The following ARID1A variants were observed in gnomAD, a reference collection of about 807,000 sequenced individuals.
The protein encoded by ARID1A is AT-rich interactive domain-containing protein 1A.
A neutral mutation model predicts 212.6 loss-of-function variants in ARID1A; 20 were observed. The observed-to-expected ratio is 0.09, with a 90% CI of 0.07 to 0.14. The LOEUF is 0.14. Ranked by LOEUF, ARID1A falls within the 10% of genes least tolerant of loss-of-function variation. The pLI, the probability that ARID1A is intolerant of heterozygous loss-of-function variation, is 1.00. For synonymous variants in ARID1A, 1,376 were observed against 1,222.1 expected, an observed-to-expected ratio of 1.13 and a Z score of -2.63; for missense variants, 2,587 against 3,059.0, an observed-to-expected ratio of 0.85 and a Z score of 3.64.
At chr1:26,717,760 A>G (rs2080517213) in intron 1 of ARID1A, among the ~76,000 whole-genome samples, 1 of 152,158 alleles carries the variant, frequency 6.6e-6, no homozygotes, top group Admixed American at 6.5e-5. Context: ...GTTAATCAGG[A>G]ACCAAGTATA....
rs1183907472 is a variant in ARID1A at position 26,760,936 on chromosome 1, C to T, written c.2001C>T (p.Ser667=). 1 of 1,614,078 alleles carries T rather than the reference C, an allele frequency of 6.2e-7. No individual in the cohort carries two copies. Among genetic ancestry groups the T allele is most frequent in the East Asian group, 2.2e-5 (1 of 44,866 alleles). ...CTGGAGTGAGCACATCAGGGATTTC[C>T]AGCAGCCAAGGAGAGCAGAGTAATC... ...LSPGVSTSGI[S]SSQGEQSNPA... Residue 667 remains serine, a synonymous_variant, in exon 5 of 20, where the codon TCC becomes TCT. Coordinates refer to ENST00000324856, the MANE Select transcript of ARID1A (RefSeq NM_006015.6).
chr1:26,721,302 C>G (rs923657448), intron 1 of ARID1A, among the ~76,000 whole-genome samples: 2 of 152,136 alleles, frequency 1.3e-5, no homozygotes, highest in African/African-American at 4.8e-5. Flanking sequence ...ACCTCCACCT[C>G]CCAGGTTCAA....
chr1:26,700,900 T>G (rs1389013991), intron 1 of ARID1A, among the ~76,000 whole-genome samples: 3 of 152,084 alleles, frequency 2.0e-5, no homozygotes, highest in Non-Finnish European at 4.4e-5. Flanking sequence ...GCTGGGGTGA[T>G]GAGGATTGAG....
At position 26,773,830 on chromosome 1, in the gene ARID1A, A is replaced by G. The variant is rs1198512151; in HGVS notation, c.4033A>G (p.Thr1345Ala). 2 of 1,614,038 alleles carry G rather than the reference A, an allele frequency of 1.2e-6. No homozygotes were observed. The highest frequency in any genetic ancestry group is 3.3e-5 in the Admixed American group (2 of 60,016). ...TGATTCCTATGGCAATCAGTTCTCCACCCAAGGCACCCCTTCTGGCAGCCC... is the reference window on the plus strand; with the variant it reads ...TGATTCCTATGGCAATCAGTTCTCCGCCCAAGGCACCCCTTCTGGCAGCCC... Reference protein sequence around the residue: ...RHDSYGNQFSTQGTPSGSPFP... With the variant: ...RHDSYGNQFSAQGTPSGSPFP... The change falls in exon 17 of 20, where the codon ACC becomes GCC. Residue 1345 changes from threonine to alanine, a missense_variant. Around this residue, in one of 11 missense-constraint regions of ARID1A, gnomAD observed 890 missense variants for 1,098.2 expected, o/e 0.81. Transcript: ENST00000324856.
At chr1:26,737,292 C>G (rs1450001309) in intron 4 of ARID1A, among the ~76,000 whole-genome samples, 6 of 151,938 alleles carry the variant, frequency 3.9e-5, no homozygotes, top group African/African-American at 1.4e-4. Context: ...AATTTTTGGA[C>G]TTTTTAGTAG....
rs1368162353 is a variant in ARID1A at position 26,696,597 on chromosome 1, C to A, written c.194C>A (p.Pro65Gln). ...GQESEGPAVG[P>Q]PQPLGKELQD... ...GAAAGCGAGGGCCCCGCCGTGGGGC[C>A]GCCGCAGCCGCTGGGAAAGGAGCTG... Residue 65 changes from proline to glutamine, a missense_variant, in exon 1 of 20, where the codon CCG (proline) becomes CAG (glutamine). This residue lies in a region of ARID1A where 735 missense variants were observed against 590.6 expected (regional missense o/e 1.24). Transcript: ENST00000324856. 2 of 1,233,434 alleles carry A rather than the reference C, an allele frequency of 1.6e-6. No homozygotes were observed. The highest frequency in any genetic ancestry group is 2.0e-6 in the Non-Finnish European group (2 of 990,036). The allele number at this position is 1,233,434 out of a possible 1,614,324, so 76.4% of individuals were successfully genotyped here.
intron 1 of ARID1A, among the ~76,000 whole-genome samples, chr1:26,725,859 T>G (rs1488668893): frequency 6.7e-6 from 1 of 150,338 alleles, no homozygotes; most frequent in African/African-American, 2.4e-5. Flanking sequence ...AACCTTTTTT[T>G]TTTTTTTTTT....
chr1:26,718,207 T>C (rs2080522473), intron 1 of ARID1A, among the ~76,000 whole-genome samples: 1 of 152,216 alleles, frequency 6.6e-6, no homozygotes. Flanking sequence ...ACTCCCGACC[T>C]CAGGTGATCC....
intron 19 of ARID1A, among the ~76,000 whole-genome samples, chr1:26,776,562 C>T (rs974529217): frequency 3.3e-5 from 5 of 152,146 alleles, no homozygotes; most frequent in Admixed American, 2.0e-4. Flanking sequence ...CGTGAGCAAC[C>T]GCGCCCGGCC....
chr1:26,773,554 C>T (rs2124112185), intron 15 of ARID1A, 26 bp from the exon 16 acceptor site: 2 of 1,614,196 alleles, frequency 1.2e-6, no homozygotes, highest in Non-Finnish European at 1.7e-6. Flanking sequence ...ATAGTGGGCT[C>T]AATCTGCCTC....
At chr1:26,716,090 C>T (rs1331605720) in intron 1 of ARID1A, among the ~76,000 whole-genome samples, 1 of 151,310 alleles carries the variant, frequency 6.6e-6, no homozygotes, top group Admixed American at 6.6e-5. Context: ...CCCGTAATCC[C>T]AGCTACTCAG....
Position 26,772,818 on chromosome 1 carries a change from C to T in ARID1A, c.3546C>T (p.Ser1182=), listed in dbSNP as rs138311127. The part of the protein sequence containing the change: ...QIPPLPGMSR[S]NSVGIQDAFN... The stretch of plus-strand genomic sequence containing the variant: ...GGTTTTCCTCACTCTGGAGCAGGAG[C>T]AATTCAGTTGGGATCCAGGATGCCT... The change falls in exon 14 of 20, where the codon AGC becomes AGT. Residue 1182 remains serine, a synonymous_variant. Coordinates refer to ENST00000324856, the MANE Select transcript of ARID1A (RefSeq NM_006015.6). The T allele has an allele frequency of 2.2e-5, 36 of 1,613,488 alleles. No homozygotes were observed. The highest frequency in any genetic ancestry group is 3.0e-5 in the Non-Finnish European group (35 of 1,179,678).
intron 19 of ARID1A, among the ~76,000 whole-genome samples, chr1:26,777,759 C>T (rs770908848): frequency 6.6e-5 from 10 of 151,870 alleles, no homozygotes; most frequent in Admixed American, 2.0e-4. Flanking sequence ...TGGTGAAACT[C>T]CATCTCTACT....
rs763565851 is a variant in ARID1A, at chr1:26,774,798, A to G, written c.4571A>G (p.His1524Arg). ...TGSAPQGPAY[H>R]GVNRTDEMLH... ...TCTGCCCCCCAGGGCCCCGCCTATC[A>G]TGGCGTGAACCGAACAGATGAAATG... Residue 1524 changes from histidine (H) to arginine (R), a missense_variant, in exon 18 of 20, where the codon CAT becomes CGT. His to Arg is a conservative substitution (Grantham distance 29, BLOSUM62 0). Around this residue, in one of 11 missense-constraint regions of ARID1A, gnomAD observed 890 missense variants for 1,098.2 expected, o/e 0.81. Coordinates refer to ENST00000324856, the MANE Select transcript of ARID1A (RefSeq NM_006015.6). This position sits in a 1 kb window ranked among gnomAD's most constrained non-coding sequence, Gnocchi z 5.6. The G allele has an allele frequency of 6.2e-7, 1 of 1,614,174 alleles. No individual in the cohort carries two copies. Among genetic ancestry groups the G allele is most frequent in the Non-Finnish European group, 8.5e-7 (1 of 1,180,018 alleles).
chr1:26,764,412 T>C (rs2081020603), intron 8 of ARID1A: 1 of 152,198 alleles, frequency 6.6e-6, no homozygotes, highest in African/African-American at 2.4e-5. Context: ...TTCTTAATGA[T>C]ACATATGTCT....
chr1:26,763,780 G>C (rs963986790), intron 8 of ARID1A, among the ~76,000 whole-genome samples: 3 of 152,036 alleles, frequency 2.0e-5, no homozygotes, highest in Admixed American at 1.3e-4. Context: ...AAGGGGTTTT[G>C]TGGGGTGTTT....
intron 19 of ARID1A, 140 bp from the exon 20 acceptor site, chr1:26,778,883 T>C: frequency 2.6e-6 from 2 of 776,390 alleles, no homozygotes; most frequent in Non-Finnish European, 3.9e-6. Context: ...AACAATTTGC[T>C]CTGTGGAGAA....
At chr1:26,761,353 A>G (rs1350040827) in intron 5 of ARID1A, 31 bp from the exon 6 acceptor site, 3 of 1,612,006 alleles carry the variant, frequency 1.9e-6, no homozygotes, top group Non-Finnish European at 1.7e-6. Context: ...CTTAGCCATG[A>G]TATGCTTATG....
Position 26,719,608 on chromosome 1 carries a change from G to A in ARID1A, c.1138-10043G>A, listed in dbSNP as rs1008824652. Among the ~76,000 whole-genome samples, 4 of 152,118 alleles carry A rather than the reference G, an allele frequency of 2.6e-5. No individual in the cohort carries two copies. In the East Asian group the frequency reaches 7.7e-4, roughly 29 times the overall value. ...GGGATGAAGTGACTTGCTTAAAGTGGTGTGAAACTCTATACTTTTTTTTTT... is the reference window on the plus strand; with the variant it reads ...GGGATGAAGTGACTTGCTTAAAGTGATGTGAAACTCTATACTTTTTTTTTT... On this transcript the variant is annotated intron_variant, in intron 1 of 19. Coordinates refer to ENST00000324856, the MANE Select transcript of ARID1A (RefSeq NM_006015.6).
Sources: allele counts gnomAD v4.1 joint callset (sites outside exome capture counted in the v4.1 genomes callset), GRCh38; gene constraint gnomAD v4.1.1; regional missense constraint gnomAD v4.1.1; non-coding constraint Gnocchi (gnomAD v3.1); transcripts MANE v1.5; gene names NCBI Gene and HGNC (gene_info 2026-07-23, HGNC 2026-07-21).